The following CABIN1 variants were observed in gnomAD, a reference collection of about 807,000 sequenced individuals.
CABIN1 encodes calcineurin binding protein 1, also known as calcineurin-binding protein cabin-1.
A neutral mutation model predicts 227.7 loss-of-function variants in CABIN1; 133 were observed. The observed-to-expected ratio is 0.58, with a 90% confidence interval of 0.51 to 0.67. The LOEUF is 0.67. Ranked by LOEUF, CABIN1 falls within the 30% of genes least tolerant of loss-of-function variation. The pLI is 0.00. For missense variants in CABIN1, 2,408 were observed against 2,852.5 expected, an observed-to-expected ratio of 0.84 and a Z score of 3.55; for synonymous variants, 1,086 against 1,155.1, an observed-to-expected ratio of 0.94 and a Z score of 1.21.
At chr22:24,071,380 G>T (rs374911257) in intron 17 of CABIN1, among the ~76,000 whole-genome samples, 1 of 152,168 alleles carries the variant, frequency 6.6e-6, no homozygotes, top group Non-Finnish European at 1.5e-5. Flanking sequence ...AGCGCAGGCC[G>T]GGATGGCTCC....
intron 4 of CABIN1, 137 bp downstream of exon 4, chr22:24,038,598 C>T: frequency 1.4e-6 from 1 of 692,458 alleles, no homozygotes; most frequent in South Asian, 1.5e-5. Flanking sequence ...CTCTCTGCCC[C>T]TATTTCCCCA....
chr22:24,083,414 C>T (rs762744407), intron 20 of CABIN1, 25 bp downstream of exon 20: 54 of 1,613,246 alleles, frequency 3.3e-5, no homozygotes, highest in Non-Finnish European at 4.5e-5. Context: ...ATAGGCCCAA[C>T]AAAGAGGGAA....
chr22:24,161,783 G>A (rs993228272), intron 29 of CABIN1, among the ~76,000 whole-genome samples: 1 of 152,214 alleles, frequency 6.6e-6, no homozygotes, highest in African/African-American at 2.4e-5. Context: ...GGCTTCTGCT[G>A]TGGCAGTTGG....
chr22:24,060,033 G>A lies in CABIN1; in HGVS notation c.1509G>A (p.Trp503Ter), dbSNP rs1410666472. The A allele has an allele frequency of 6.2e-7, 1 of 1,614,086 alleles. No individual in the cohort carries two copies. The highest frequency in any genetic ancestry group is 8.5e-7 in the Non-Finnish European group (1 of 1,180,040). ...TGGGCCACAAGTTCTTGGTAAGGTG[G>A]CCTCCAGGCTTGGCGGAGGTCGTGC... ...KAMGHKFLVR[W>*]PPGLAEVVLS... Residue 503 changes from tryptophan to a stop codon, truncating the protein, a stop_gained, in exon 12 of 37, where the codon TGG becomes TGA. Coordinates refer to ENST00000263119, the MANE Select transcript of CABIN1 (RefSeq NM_012295.4). LOFTEE classifies it high-confidence loss of function.
At chr22:24,132,943 A>T (rs901415393) in intron 28 of CABIN1, among the ~76,000 whole-genome samples, 5 of 152,202 alleles carry the variant, frequency 3.3e-5, no homozygotes, top group Admixed American at 2.0e-4. Context: ...GCTAGAGCTC[A>T]GAAGTTGAAG....
At chr22:24,077,949 G>A (rs910506076) in intron 19 of CABIN1, among the ~76,000 whole-genome samples, 1 of 152,198 alleles carries the variant, frequency 6.6e-6, no homozygotes, top group Non-Finnish European at 1.5e-5. Flanking sequence ...GTAGAAGTGA[G>A]TTGAGCACTG....
At position 24,096,046 on chromosome 22, in the gene CABIN1, G is replaced by T; in HGVS notation, c.3902G>T (p.Arg1301Met). 1 of 1,614,196 alleles carries T rather than the reference G, an allele frequency of 6.2e-7. No homozygotes were observed. Among genetic ancestry groups the T allele is most frequent in the Non-Finnish European group, 8.5e-7 (1 of 1,180,024 alleles). Reference protein sequence around the residue: ...MKEAAEGPFARGEEKNTPKAS... With the variant: ...MKEAAEGPFAMGEEKNTPKAS... ...GAGGCTGCAGAAGGACCCTTTGCCA[G>T]GGGCGAGGAGAAGAACACACCCAAA... is the stretch of plus-strand genomic sequence containing the variant. The change falls in exon 25 of 37, where the codon AGG (arginine) becomes ATG (methionine). Residue 1301 changes from arginine (R) to methionine (M), a missense_variant. Physicochemically the swap from Arg to Met is moderately conservative, Grantham distance 91. This residue lies in a region of CABIN1 where 649 missense variants were observed against 910.3 expected (regional missense o/e 0.71). Coordinates refer to ENST00000263119, the MANE Select transcript of CABIN1 (RefSeq NM_012295.4).
intron 29 of CABIN1, among the ~76,000 whole-genome samples, chr22:24,153,101 T>A (rs1366003479): frequency 6.6e-6 from 1 of 152,148 alleles, no homozygotes; most frequent in Non-Finnish European, 1.5e-5. Flanking sequence ...GCCTTGGATT[T>A]GCAGGACCAG....
intron 18 of CABIN1, among the ~76,000 whole-genome samples, chr22:24,075,638 A>G (rs2040389724): frequency 6.6e-6 from 1 of 151,868 alleles, no homozygotes; most frequent in Non-Finnish European, 1.5e-5. Flanking sequence ...CCAGCTACTC[A>G]GGAGACTGAG....
intron 29 of CABIN1, among the ~76,000 whole-genome samples, chr22:24,142,356 C>G (rs1445839595): frequency 2.0e-5 from 3 of 152,164 alleles, no homozygotes; most frequent in Non-Finnish European, 2.9e-5. Context: ...GAATTCCTCT[C>G]ATCCTCAAGA....
intron 29 of CABIN1, among the ~76,000 whole-genome samples, chr22:24,163,507 A>G (rs1161881145): frequency 6.6e-6 from 1 of 152,136 alleles, no homozygotes; most frequent in African/African-American, 2.4e-5. Flanking sequence ...GGAGAAAGCA[A>G]TGTCACTCAT....
At chr22:24,116,241 G>A (rs2043079374) in intron 27 of CABIN1, among the ~76,000 whole-genome samples, 1 of 152,194 alleles carries the variant, frequency 6.6e-6, no homozygotes, top group Admixed American at 6.5e-5. Context: ...TTATTTATTT[G>A]ATCTAGGGAG....
In CABIN1 at chr22:24,119,675, T is replaced by C. The variant is rs2043285007; in HGVS notation, c.4609T>C (p.Tyr1537His). Reference sequence around the variant, plus strand: ...GAGTCTCTACCGTCTGGCCTTCCTCTACACCTACAGCAAGACCCACCGGGT... The same window carrying C: ...GAGTCTCTACCGTCTGGCCTTCCTCCACACCTACAGCAAGACCCACCGGGT... ...YKSLYRLAFL[Y>H]TYSKTHRNLQ... Residue 1537 changes from tyrosine to histidine, a missense_variant, in exon 28 of 37, where the codon TAC (tyrosine) becomes CAC (histidine). Physicochemically the swap from Tyr to His is moderately conservative, Grantham distance 83. Around this residue, in one of 3 missense-constraint regions of CABIN1, gnomAD observed 649 missense variants for 910.3 expected, o/e 0.71. Transcript: ENST00000263119. 1 of 1,614,010 alleles carries C rather than the reference T, an allele frequency of 6.2e-7. No homozygotes were observed.
intron 9 of CABIN1, among the ~76,000 whole-genome samples, 194 bp downstream of exon 9, chr22:24,055,353 T>C (rs568924927): frequency 6.6e-6 from 1 of 152,350 alleles, no homozygotes; most frequent in East Asian, 1.9e-4. Flanking sequence ...GTCAGGGCCA[T>C]TTCAGCTCTG....
chr22:24,041,044 C>T, intron 4 of CABIN1, 95 bp from the exon 5 acceptor site: 1 of 1,492,230 alleles, frequency 6.7e-7, no homozygotes, highest in Admixed American at 1.7e-5. Flanking sequence ...GCTCAAGGGC[C>T]TGCAGCAGAG....
At chr22:24,123,498 A>G (rs1167294808) in intron 28 of CABIN1, among the ~76,000 whole-genome samples, 3 of 152,168 alleles carry the variant, frequency 2.0e-5, no homozygotes, top group Non-Finnish European at 4.4e-5. Context: ...TGCTTCACCC[A>G]GAAACCTTTG....
intron 28 of CABIN1, among the ~76,000 whole-genome samples, chr22:24,125,423 C>G (rs1055767475): frequency 3.9e-5 from 6 of 152,208 alleles, no homozygotes; most frequent in Admixed American, 1.3e-4. Context: ...TGTGGGGGAC[C>G]CGTAGAAGCC....
chr22:24,104,156 ATCTC>A (rs374704639), intron 26 of CABIN1, among the ~76,000 whole-genome samples: 24 of 151,866 alleles, frequency 1.6e-4, no homozygotes, highest in African/African-American at 5.8e-4. Context: ...TGGTCACAGG[ATCTC>A]TCTCTCTCTG....
Position 24,064,036 on chromosome 22 carries a change from G to A in CABIN1, c.1886G>A (p.Gly629Glu). 1.2e-5 allele frequency: 20 copies of A among 1,614,134 alleles called. No homozygotes were observed. Among genetic ancestry groups the A allele is most frequent in the Non-Finnish European group, 1.7e-5 (20 of 1,180,036 alleles). Residue 629 changes from glycine to glutamate, a missense_variant and splice_region_variant, in exon 15 of 37, where the codon GGA becomes GAA. Physicochemically the swap from Gly to Glu is moderately conservative, Grantham distance 98 (BLOSUM62 -2). Around this residue, in one of 3 missense-constraint regions of CABIN1, gnomAD observed 1,045 missense variants for 1,168.4 expected, o/e 0.89. Coordinates refer to ENST00000263119, the MANE Select transcript of CABIN1 (RefSeq NM_012295.4). ...WLKARFLALQ[G>E]DMEQALENYD... ...CTGACCTGTTTTCCGTCTAACCAGG[G>A]AGACATGGAGCAGGCCCTGGAGAAC...
Sources: gnomAD v4.1 joint callset for allele counts (sites outside exome capture counted in the v4.1 genomes callset) on GRCh38, gnomAD v4.1.1 for gene constraint, gnomAD v4.1.1 regional missense constraint, MANE v1.5 for transcripts, NCBI Gene and HGNC (gene_info 2026-07-23, HGNC 2026-07-21) for gene names.